The following SSBP1 variants were observed in gnomAD, a reference collection of about 807,000 sequenced individuals.
SSBP1 encodes the protein single stranded DNA binding protein 1, also known as single-stranded DNA-binding protein, mitochondrial.
Under a neutral mutation model 27.0 loss-of-function variants are expected in SSBP1, and 20 were observed. The ratio of observed to expected loss-of-function variants is 0.74; its 90% CI spans 0.52 to 1.08. The LOEUF (loss-of-function observed/expected upper bound fraction) is 1.08. SSBP1 is among the 50% of genes least tolerant of loss of function. SSBP1 has a pLI of 0.00. For missense variants in SSBP1, 137 were observed against 182.4 expected (o/e 0.75, Z 1.44); for synonymous variants, 59 against 59.3 (o/e 1.00, Z 0.02).
chr7:141,743,927 G>T lies in SSBP1; in HGVS notation c.252G>T (p.Trp84Cys). 1 of 1,612,186 alleles carries T rather than the reference G, an allele frequency of 6.2e-7. No homozygotes were observed. Residue 84 changes from tryptophan to cysteine, a missense_variant, in exon 5 of 7, where the codon TGG (tryptophan) becomes TGT (cysteine). Transcript: ENST00000265304. ...QLGDVSQKTT[W>C]HRISVFRPGL... ...GTGATGTCAGTCAAAAGACAACATG[G>T]CACAGAATATCAGTATTCCGGCCAG...
chr7:141,739,507 A>T (rs561576385), intron 2 of SSBP1: 1 of 253,876 alleles, frequency 3.9e-6, no homozygotes, highest in East Asian at 6.9e-5. Context: ...CATTGTTCCA[A>T]CTTTTTTCTT....
At chr7:141,744,101 CTG>C (rs1799674245) in intron 5 of SSBP1, 112 bp downstream of exon 5, 1 of 871,004 alleles carries the variant, frequency 1.1e-6, no homozygotes, top group Non-Finnish European at 1.7e-6. Context: ...CTACTAATGA[CTG>C]TATTAATTTA....
chr7:141,741,486 T>G (rs544611652), intron 2 of SSBP1: 1 of 152,322 alleles, frequency 6.6e-6, no homozygotes, highest in African/African-American at 2.4e-5. Context: ...ATTCCACACC[T>G]CCTGACACTT....
intron 6 of SSBP1, among the ~76,000 whole-genome samples, chr7:141,747,287 T>C (rs956126911): frequency 6.6e-6 from 1 of 152,054 alleles, no homozygotes; most frequent in East Asian, 1.9e-4. Context: ...ACATAAATAC[T>C]AAGAAAGCTT....
In SSBP1 at chr7:141,742,218, T is replaced by G; in HGVS notation, c.74T>G (p.Val25Gly). ...GAGTCCGAAACAACTACCAGTTTGG[T>G]TCTTGAAAGATGTAAGTAGCTAATT... ...RHESETTTSL[V>G]LERSLNRVHL... Residue 25 changes from valine (V) to glycine (G), a missense_variant, in exon 3 of 7, where the codon GTT becomes GGT. By Grantham distance (109) the Val-to-Gly change is moderately radical. Transcript: ENST00000265304. 1.9e-6 allele frequency: 3 copies of G among 1,604,448 alleles called. No individual in the cohort carries two copies. The highest frequency in any genetic ancestry group is 2.6e-6 in the Non-Finnish European group (3 of 1,172,142).
intron 2 of SSBP1, chr7:141,740,890 TTTAGA>T (rs1278207307): frequency 6.6e-5 from 10 of 152,198 alleles, no homozygotes; most frequent in South Asian, 2.1e-4. Context: ...AATGAAACAC[TTTAGA>T]TTAGTCATAT....
At chr7:141,739,291 G>C (rs1035173168) in intron 2 of SSBP1, 101 bp downstream of exon 2, 102 of 917,900 alleles carry the variant, frequency 1.1e-4, no homozygotes, top group Non-Finnish European at 1.6e-6. Context: ...AGACCTTTGA[G>C]CTCACCCACC....
intron 6 of SSBP1, among the ~76,000 whole-genome samples, chr7:141,748,819 T>C (rs1250244683): frequency 6.6e-6 from 1 of 152,170 alleles, no homozygotes; most frequent in Non-Finnish European, 1.5e-5. Context: ...CTCCTAGGGA[T>C]CCTATCTGTA....
intron 3 of SSBP1, among the ~76,000 whole-genome samples, chr7:141,743,012 G>A (rs987774419): frequency 1.1e-4 from 17 of 152,118 alleles, no homozygotes; most frequent in South Asian, 2.1e-4. Context: ...CCGCCACCAC[G>A]CCCAGCTAAT....
intron 6 of SSBP1, 88 bp downstream of exon 6, chr7:141,745,672 G>A: frequency 6.4e-7 from 1 of 1,564,106 alleles, no homozygotes; most frequent in Middle Eastern, 1.7e-4. Flanking sequence ...CTAGGGTTAA[G>A]AGTACCAGTA....
Position 141,743,974 on chromosome 7 carries a change from A to C in SSBP1, c.299A>C (p.Gln100Pro). ...FRPGLRDVAY[Q>P]YVKKGSRIYL... Reference sequence around the variant, plus strand: ...CCAGGCCTCAGAGACGTGGCATATCAATATGTGAAAAAGGGGTAAGTTGAA... The same window carrying C: ...CCAGGCCTCAGAGACGTGGCATATCCATATGTGAAAAAGGGGTAAGTTGAA... Residue 100 changes from glutamine (Q) to proline (P), a missense_variant, in exon 5 of 7, where the codon CAA becomes CCA. Physicochemically the swap from Gln to Pro is moderately conservative, Grantham distance 76 (BLOSUM62 -1). This residue lies in a region of SSBP1 where 95 missense variants were observed against 152.0 expected (regional missense o/e 0.62). Coordinates refer to ENST00000265304, the MANE Select transcript of SSBP1 (RefSeq NM_003143.3). 6.2e-7 allele frequency: 1 copy of C among 1,612,942 alleles called. No individual in the cohort carries two copies. Among genetic ancestry groups the C allele is most frequent in the Non-Finnish European group, 8.5e-7 (1 of 1,179,844 alleles).
intron 4 of SSBP1, 74 bp from the exon 5 acceptor site, chr7:141,743,827 GA>G (rs1799663709): frequency 6.4e-7 from 1 of 1,556,410 alleles, no homozygotes; most frequent in Admixed American, 1.8e-5. Flanking sequence ...TGTTCTCTTA[GA>G]AATCGTGACA....
At chr7:141,743,362 A>G (rs1717416911) in intron 3 of SSBP1, among the ~76,000 whole-genome samples, 199 bp from the exon 4 acceptor site, 1 of 152,204 alleles carries the variant, frequency 6.6e-6, no homozygotes, top group South Asian at 2.1e-4. Flanking sequence ...GTAGAGACAG[A>G]AAGTTCTGAA....
At chr7:141,750,071 T>C (rs957911943) in intron 6 of SSBP1, among the ~76,000 whole-genome samples, 2 of 152,186 alleles carry the variant, frequency 1.3e-5, no homozygotes, top group Non-Finnish European at 2.9e-5. Context: ...ACAAGAAATA[T>C]CCCACCTCTT....
chr7:141,747,995 C>CAAAA (rs926171907), intron 6 of SSBP1, among the ~76,000 whole-genome samples: 3 of 55,986 alleles, frequency 5.4e-5, no homozygotes, highest in East Asian at 6.1e-4. Context: ...AAGACTCTCT[C>CAAAA]AAAAAAAAAA....
At chr7:141,745,398 A>G in intron 5 of SSBP1, 98 bp from the exon 6 acceptor site, 6 of 1,009,128 alleles carry the variant, frequency 5.9e-6, no homozygotes, top group Middle Eastern at 3.5e-4. Context: ...ATATGATTAT[A>G]TATTTCATCC....
At chr7:141,745,991 T>A in intron 6 of SSBP1, 1 of 992,080 alleles carries the variant, frequency 1.0e-6, no homozygotes, top group Non-Finnish European at 1.2e-6. Context: ...GTACTTAGTA[T>A]GTGAAATTTC....
intron 1 of SSBP1, 200 bp from the exon 2 acceptor site, chr7:141,738,924 G>A: frequency 2.4e-6 from 1 of 412,712 alleles, no homozygotes. Context: ...AAGTTATTTG[G>A]GACCAAAAAG....
rs575027183 is a variant in SSBP1 at position 141,742,671 on chromosome 7, G to A, written c.85+442G>A. On this transcript the variant is annotated intron_variant, in intron 3 of 6. Transcript: ENST00000265304. ...AGATCTAGAGCTTACAGTTTGTTTTGTGGGGCTGCTTTCTCTATGACTATT... is the reference window on the plus strand; with the variant it reads ...AGATCTAGAGCTTACAGTTTGTTTTATGGGGCTGCTTTCTCTATGACTATT... Among the ~76,000 whole-genome samples the A allele has an allele frequency of 2.0e-5, 3 of 152,290 alleles. No individual in the cohort carries two copies. The East Asian group carries it at 5.8e-4, about 29-fold the overall frequency.
Sources: allele counts gnomAD v4.1 joint callset (sites outside exome capture counted in the v4.1 genomes callset), GRCh38; gene constraint gnomAD v4.1.1; regional missense constraint gnomAD v4.1.1; transcripts MANE v1.5; gene names NCBI Gene and HGNC (gene_info 2026-07-23, HGNC 2026-07-21).